The following NEBL variants were observed in gnomAD, a reference collection of about 807,000 sequenced individuals.
The protein encoded by NEBL is LIM and SH3 protein 2.
A neutral mutation model predicts 140.2 loss-of-function variants in NEBL; 122 were observed. The observed-to-expected ratio is 0.87, with a 90% CI of 0.75 to 1.01. NEBL has a LOEUF of 1.01. Among genes scored for constraint, NEBL ranks in the 50% least tolerant of loss-of-function variants. NEBL has a pLI of 0.00. For synonymous variants in NEBL, 436 were observed against 398.9 expected, an observed-to-expected ratio of 1.09 and a Z score of -1.11; for missense variants, 1,365 against 1,231.3, an observed-to-expected ratio of 1.11 and a Z score of -1.62.
chr10:20,824,603 G>C (rs748533298), intron 18 of NEBL, among the ~76,000 whole-genome samples: 35 of 152,104 alleles, frequency 2.3e-4, no homozygotes, highest in Admixed American at 5.2e-4. Flanking sequence ...TCTTAAAAGG[G>C]CAACTTTCCA....
At chr10:21,292,898 C>A (rs1362316428) in exon 1 of NEBL, among the ~76,000 whole-genome samples, 1 of 152,228 alleles carries the variant, frequency 6.6e-6, no homozygotes, top group Non-Finnish European at 1.5e-5. Context: ...GAACCGCATT[C>A]CTCTCTACCA....
intron 4 of NEBL, among the ~76,000 whole-genome samples, chr10:20,948,919 T>C (rs1589059865): frequency 6.6e-6 from 1 of 152,186 alleles, no homozygotes; most frequent in African/African-American, 2.4e-5. Context: ...CTAAAACCAA[T>C]GTTTCTCTTT....
chr10:20,781,000 T>G lies in NEBL; in HGVS notation c.*4747A>C, dbSNP rs147833312. The G allele has an allele frequency of 6.6e-6, 1 of 152,420 alleles. No homozygotes were observed. Among genetic ancestry groups the G allele is most frequent in the African/African-American group, 2.4e-5 (1 of 41,592 alleles). 9.4% of individuals were successfully genotyped at this position (152,420 alleles called of 1,614,324 possible). On this transcript the variant is annotated 3_prime_UTR_variant, in exon 28 of 28. Coordinates refer to ENST00000377122, the MANE Select transcript of NEBL (RefSeq NM_006393.3). ...GTGTCATTTCAATGCTGTTGTACAT[T>G]ATGCAGGGGAAATAATGTCTTATTA... is the stretch of plus-strand genomic sequence containing the variant.
In NEBL at chr10:20,943,139, C is replaced by T. The variant is rs541058011; in HGVS notation, c.357+18533G>A. ...ATGCTGCTATAAAGACACATGCACA[C>T]GTATGTTTATTGCGGCACTATTCAC... On this transcript the variant is annotated intron_variant, in intron 4 of 6. Coordinates refer to the NEBL transcript ENST00000417816. Among the ~76,000 whole-genome samples, 1,054 of 152,260 alleles carry T rather than the reference C, an allele frequency of 6.9e-3. 7 individuals carry two copies. Among genetic ancestry groups the T allele is most frequent in the Non-Finnish European group, 0.011 (779 of 68,000 alleles).
intron 3 of NEBL, among the ~76,000 whole-genome samples, chr10:20,982,532 A>G (rs1379701078): frequency 6.6e-6 from 1 of 152,200 alleles, no homozygotes; most frequent in East Asian, 1.9e-4. Context: ...ATGACTGAAA[A>G]CAAGATAACT....
chr10:21,194,080 T>C (rs1403207359), intron 3 of NEBL, among the ~76,000 whole-genome samples: 4 of 152,114 alleles, frequency 2.6e-5, no homozygotes, highest in African/African-American at 9.7e-5. Flanking sequence ...GCTCAAGTGA[T>C]CCTCCCTCCT....
intron 22 of NEBL, 97 bp from the exon 23 acceptor site, chr10:20,814,140 G>C: frequency 1.3e-6 from 1 of 795,410 alleles, no homozygotes; most frequent in East Asian, 2.6e-5. Context: ...CAACATACTT[G>C]AAATTATTTT....
intron 3 of NEBL, among the ~76,000 whole-genome samples, chr10:21,007,910 T>C (rs1457617784): frequency 4.6e-5 from 7 of 152,164 alleles, no homozygotes; most frequent in Non-Finnish European, 1.0e-4. Context: ...TTAAAACATA[T>C]GGAATAACTA....
At chr10:21,236,537 C>G (rs558948250) in intron 3 of NEBL, among the ~76,000 whole-genome samples, 1 of 151,944 alleles carries the variant, frequency 6.6e-6, no homozygotes, top group East Asian at 1.9e-4. Flanking sequence ...TTAGTAGAGA[C>G]AAGGTTTTGC....
At chr10:20,875,689 G>C (rs1205848310) in intron 5 of NEBL, among the ~76,000 whole-genome samples, 1 of 152,040 alleles carries the variant, frequency 6.6e-6, no homozygotes, top group East Asian at 1.9e-4. Context: ...GATTGAGACA[G>C]CTCAGGAATG....
At chr10:20,855,223 G>A (rs994659810) in intron 9 of NEBL, among the ~76,000 whole-genome samples, 7 of 142,046 alleles carry the variant, frequency 4.9e-5, no homozygotes, top group African/African-American at 1.1e-4. Flanking sequence ...GCGAGAGTCC[G>A]TCTTAAAAAA....
At chr10:21,056,602 T>G (rs1396197870) in intron 2 of NEBL, among the ~76,000 whole-genome samples, 2 of 152,206 alleles carry the variant, frequency 1.3e-5, no homozygotes, top group African/African-American at 4.8e-5. Flanking sequence ...AGGTATATCT[T>G]CTAGAGTTGG....
intron 4 of NEBL, among the ~76,000 whole-genome samples, chr10:20,955,300 T>A (rs1217197760): frequency 1.3e-5 from 2 of 151,988 alleles, no homozygotes; most frequent in South Asian, 4.1e-4. Context: ...AAAACCAAAG[T>A]GGAGAATATG....
chr10:21,252,560 C>T (rs891850120), intron 1 of NEBL, among the ~76,000 whole-genome samples: 8 of 152,056 alleles, frequency 5.3e-5, no homozygotes, highest in Non-Finnish European at 1.5e-5. Flanking sequence ...AAAGATACCA[C>T]GTTTTTAAAA....
At chr10:21,164,439 G>A (rs1295967261) in intron 2 of NEBL, among the ~76,000 whole-genome samples, 3 of 152,264 alleles carry the variant, frequency 2.0e-5, no homozygotes, top group East Asian at 1.9e-4. Context: ...ATGTCCTCTC[G>A]CACAGGCCCT....
At chr10:20,802,109 A>G (rs1188774255) in intron 26 of NEBL, among the ~76,000 whole-genome samples, 1 of 152,212 alleles carries the variant, frequency 6.6e-6, no homozygotes, top group East Asian at 1.9e-4. Flanking sequence ...AGTTCAAATC[A>G]AGGCAGGTAA....
intron 2 of NEBL, among the ~76,000 whole-genome samples, chr10:21,079,061 C>G (rs1836245229): frequency 1.3e-5 from 2 of 152,342 alleles, no homozygotes; most frequent in Non-Finnish European, 2.9e-5. Flanking sequence ...AAATGCCCTC[C>G]TCTTAGGACT....
intron 3 of NEBL, among the ~76,000 whole-genome samples, chr10:21,219,458 A>C (rs1842038611): frequency 6.6e-6 from 1 of 152,152 alleles, no homozygotes; most frequent in Non-Finnish European, 1.5e-5. Flanking sequence ...TCATTTTGGC[A>C]TTTAAAAAAC....
chr10:20,982,738 TCTCA>T (rs971952694), intron 3 of NEBL, among the ~76,000 whole-genome samples: 1 of 152,152 alleles, frequency 6.6e-6, no homozygotes, highest in African/African-American at 2.4e-5. Flanking sequence ...CCAAAAAATT[TCTCA>T]CTATCTTTTG....
Sources: allele counts gnomAD v4.1 joint callset (sites outside exome capture counted in the v4.1 genomes callset), GRCh38; gene constraint gnomAD v4.1.1; transcripts MANE v1.5; gene names NCBI Gene and HGNC (gene_info 2026-07-23, HGNC 2026-07-21).